COPS4: variants seen among roughly 807,000 people sequenced by gnomAD.
COPS4 encodes COP9 signalosome complex subunit 4.
Under a neutral mutation model 55.1 loss-of-function variants are expected in COPS4, and 8 were observed. The ratio of observed to expected loss-of-function variants is 0.15; its 90% CI spans 0.09 to 0.26. The LOEUF (loss-of-function observed/expected upper bound fraction) is 0.26, where lower values mean the gene tolerates loss of function less well. COPS4 is among the 10% of genes least tolerant of loss of function. COPS4 has a pLI of 1.00. For missense variants in COPS4, 248 were observed against 484.0 expected (o/e 0.51, Z 4.58); for synonymous variants, 185 against 165.7 (o/e 1.12, Z -0.90).
At chr4:83,037,101 A>G (rs1730443261) in intron 1 of COPS4, among the ~76,000 whole-genome samples, 1 of 152,190 alleles carries the variant, frequency 6.6e-6, no homozygotes, top group Non-Finnish European at 1.5e-5. Context: ...TCAGCTGGCA[A>G]CACACCTGGG....
chr4:83,049,910 T>C lies in COPS4; in HGVS notation c.336T>C (p.Ser112=). The change falls in exon 4 of 10, where the codon TCT becomes TCC. Residue 112 remains serine (S), a synonymous_variant. Coordinates refer to ENST00000264389, the MANE Select transcript of COPS4 (RefSeq NM_016129.3). ...QVASIRQHLA[S]IYEKEEDWRN... Reference sequence around the variant, plus strand: ...CTTCCATAAGACAGCATCTTGCATCTATATATGAGAAAGAAGAAGATTGGA... The same window carrying C: ...CTTCCATAAGACAGCATCTTGCATCCATATATGAGAAAGAAGAAGATTGGA... 2 of 1,609,832 alleles carry C rather than the reference T, an allele frequency of 1.2e-6. No homozygotes were observed. The highest frequency in any genetic ancestry group is 1.7e-6 in the Non-Finnish European group (2 of 1,178,356).
At chr4:83,071,793 C>T (rs917930743) in intron 9 of COPS4, among the ~76,000 whole-genome samples, 1 of 151,876 alleles carries the variant, frequency 6.6e-6, no homozygotes. Flanking sequence ...CTCACTGCAA[C>T]CTCCACCTCT....
Position 83,057,251 on chromosome 4 carries a change from C to G in COPS4, c.565-7C>G, listed in dbSNP as rs200687602. On this transcript the variant is annotated splice_region_variant and splice_polypyrimidine_tract_variant and intron_variant, in intron 5 of 9. Coordinates refer to ENST00000264389, the MANE Select transcript of COPS4 (RefSeq NM_016129.3). The stretch of plus-strand genomic sequence containing the variant: ...GTCCCCTAATTGAAATATTTTCCCT[C>G]TGTTAGGTATGCTATGCACGTGTTC... The G allele has an allele frequency of 2.5e-6, 4 of 1,578,706 alleles. No homozygotes were observed. In the East Asian group the frequency reaches 9.0e-5, roughly 36 times the overall value.
intron 8 of COPS4, among the ~76,000 whole-genome samples, chr4:83,067,185 A>C (rs139251342): frequency 4.5e-4 from 68 of 152,036 alleles, no homozygotes; most frequent in African/African-American, 1.2e-3. Flanking sequence ...TTCCTGTCTC[A>C]GACTCCCAAG....
chr4:83,069,401 A>G (rs1731365509), intron 9 of COPS4, among the ~76,000 whole-genome samples: 1 of 152,152 alleles, frequency 6.6e-6, no homozygotes, highest in South Asian at 2.1e-4. Flanking sequence ...TTTCTGGTCC[A>G]TTGACTCTTC....
intron 6 of COPS4, 126 bp downstream of exon 6, chr4:83,057,534 G>T: frequency 3.1e-6 from 2 of 655,198 alleles, no homozygotes; most frequent in East Asian, 2.9e-5. Context: ...TACAGTTATG[G>T]TAAATGTAGT....
chr4:83,047,871 G>A (rs889433202), intron 2 of COPS4, among the ~76,000 whole-genome samples: 1 of 151,806 alleles, frequency 6.6e-6, no homozygotes, highest in Admixed American at 6.6e-5. Flanking sequence ...CGTGGTGGCG[G>A]GTGCCTGTAG....
chr4:83,045,768 C>G (rs924614184), intron 2 of COPS4, 63 bp downstream of exon 2: 5 of 1,046,646 alleles, frequency 4.8e-6, no homozygotes, highest in African/African-American at 1.6e-5. Flanking sequence ...AAAGTTCTCT[C>G]AAGCCTTGTT....
At chr4:83,045,281 T>C (rs564126303) in intron 1 of COPS4, among the ~76,000 whole-genome samples, 1 of 152,348 alleles carries the variant, frequency 6.6e-6, no homozygotes, top group South Asian at 2.1e-4. Context: ...AAATTGACTT[T>C]GTAGTTTAAA....
intron 8 of COPS4, among the ~76,000 whole-genome samples, chr4:83,067,310 C>T (rs954329347): frequency 6.6e-6 from 1 of 151,664 alleles, no homozygotes; most frequent in Non-Finnish European, 1.5e-5. Flanking sequence ...GCTGCAATCT[C>T]GGTTCACTGC....
Position 83,075,328 on chromosome 4 carries a change from G to C in COPS4, c.1119G>C (p.Gln373His). 6.2e-7 allele frequency: 1 copy of C among 1,614,016 alleles called. No homozygotes were observed. Among genetic ancestry groups the C allele is most frequent in the Non-Finnish European group, 8.5e-7 (1 of 1,179,986 alleles). ...TREALPTWDK[Q>H]IQSLCFQVNN... ...AAGCCCTGCCAACGTGGGATAAGCA[G>C]ATCCAATCACTTTGTTTCCAAGTGA... Residue 373 changes from glutamine to histidine, a missense_variant, in exon 10 of 10, where the codon CAG becomes CAC. By Grantham distance (24) the Gln-to-His change is conservative (BLOSUM62 0). Coordinates refer to ENST00000264389, the MANE Select transcript of COPS4 (RefSeq NM_016129.3).
At chr4:83,054,843 A>T (rs1560439174) in intron 4 of COPS4, among the ~76,000 whole-genome samples, 1 of 152,242 alleles carries the variant, frequency 6.6e-6, no homozygotes, top group Admixed American at 6.5e-5. Context: ...AAAGTGACTA[A>T]ATGTAGACTT....
At chr4:83,066,636 AAAC>A (rs1731300024) in intron 8 of COPS4, 83 bp downstream of exon 8, 5 of 680,490 alleles carry the variant, frequency 7.3e-6, no homozygotes, top group Non-Finnish European at 9.9e-6. Flanking sequence ...TAAATGTTGG[AAAC>A]AACATTTATT....
At chr4:83,051,098 CAAA>C (rs536123309) in intron 4 of COPS4, among the ~76,000 whole-genome samples, 10 of 102,884 alleles carry the variant, frequency 9.7e-5, no homozygotes, top group Admixed American at 2.1e-4. Flanking sequence ...CCATCTCCAC[CAAA>C]AAAAAAAAAA....
Position 83,063,065 on chromosome 4 carries a change from A to G in COPS4, c.716-11A>G. On this transcript the variant is annotated splice_polypyrimidine_tract_variant and intron_variant, in intron 6 of 9. Transcript: ENST00000264389. ...ACATTGTGAAATTTGATGCTCATTT[A>G]TTTCTCTTAGGGCAGCAGCGTTCTC... is the stretch of plus-strand genomic sequence containing the variant. 2 of 1,517,286 alleles carry G rather than the reference A, an allele frequency of 1.3e-6. No individual in the cohort carries two copies. The highest frequency in any genetic ancestry group is 1.8e-6 in the Non-Finnish European group (2 of 1,138,742). 94.0% of individuals were successfully genotyped at this position (1,517,286 alleles called of 1,614,324 possible). A position where few individuals can be genotyped will look rare whatever the true frequency, so the allele number is the denominator to read the frequency against.
intron 7 of COPS4, chr4:83,065,049 T>A (rs751142940): frequency 1.0e-5 from 7 of 689,580 alleles, no homozygotes; most frequent in Non-Finnish European, 1.8e-5. Flanking sequence ...AATTTTTAAA[T>A]TTTTTTGTAG....
chr4:83,068,528 A>T lies in COPS4; in HGVS notation c.1087+6A>T. On this transcript the variant is annotated splice_donor_region_variant and intron_variant, in intron 9 of 9. Transcript: ENST00000264389. ...TGGAATAGTTCATTTTGAAAGTAAGAGGTTTTGTGTATTTCTGTCATAATG... is the reference window on the plus strand; with the variant it reads ...TGGAATAGTTCATTTTGAAAGTAAGTGGTTTTGTGTATTTCTGTCATAATG... The T allele has an allele frequency of 2.6e-6, 4 of 1,554,992 alleles. No homozygotes were observed. The highest frequency in any genetic ancestry group is 3.6e-6 in the Non-Finnish European group (4 of 1,126,680).
chr4:83,069,313 A>T (rs537083629), intron 9 of COPS4, among the ~76,000 whole-genome samples: 11 of 152,012 alleles, frequency 7.2e-5, no homozygotes, highest in Admixed American at 1.3e-4. Flanking sequence ...TCTGGCCATA[A>T]CCTTTTTCTT....
At chr4:83,062,474 C>T (rs1560441906) in intron 6 of COPS4, among the ~76,000 whole-genome samples, 2 of 152,344 alleles carry the variant, frequency 1.3e-5, no homozygotes, top group East Asian at 1.9e-4. Context: ...GGTGGAAAAA[C>T]ATTTGAATGT....
Sources: allele counts gnomAD v4.1 joint callset (sites outside exome capture counted in the v4.1 genomes callset), GRCh38; gene constraint gnomAD v4.1.1; transcripts MANE v1.5; gene names NCBI Gene and HGNC (gene_info 2026-07-23, HGNC 2026-07-21).